Variants in PSG5 observed in about 807,000 individuals in gnomAD.
PSG5 encodes the protein pregnancy specific beta-1-glycoprotein 5.
A neutral mutation model predicts 37.7 loss-of-function variants in PSG5; 53 were observed. That is an observed-to-expected ratio of 1.41 (90% CI 1.13 to 1.77). The LOEUF (loss-of-function observed/expected upper bound fraction) is 1.77. PSG5 is among the 40% of genes most tolerant of loss of function. The probability of loss-of-function intolerance (pLI) is 0.00; values close to 1 mark genes in which losing one functional copy is unlikely to be tolerated. For missense variants in PSG5, 547 were observed against 405.2 expected, an observed-to-expected ratio of 1.35 and a Z score of -3.00; for synonymous variants, 221 against 155.4, an observed-to-expected ratio of 1.42 and a Z score of -3.14.
intron 5 of PSG5, among the ~76,000 whole-genome samples, chr19:43,169,603 A>G (rs569652761): frequency 6.6e-6 from 1 of 151,762 alleles, no homozygotes; most frequent in Admixed American, 6.6e-5. Context: ...AATAGGCTAG[A>G]GTAGACCCCT....
intron 5 of PSG5, among the ~76,000 whole-genome samples, chr19:43,169,599 C>G (rs1968860447): frequency 6.6e-6 from 1 of 151,500 alleles, no homozygotes; most frequent in East Asian, 1.9e-4. Flanking sequence ...ATCAAATAGG[C>G]TAGAGTAGAC....
intron 1 of PSG5, among the ~76,000 whole-genome samples, chr19:43,186,135 C>T (rs1311643178): frequency 1.3e-5 from 2 of 151,196 alleles, no homozygotes; most frequent in South Asian, 2.1e-4. Flanking sequence ...CACCACCATA[C>T]CTGGTTAATT....
intron 2 of PSG5, among the ~76,000 whole-genome samples, chr19:43,178,489 G>C (rs1969057874): frequency 6.6e-6 from 1 of 151,650 alleles, no homozygotes. Flanking sequence ...CTGGAGCAAA[G>C]AGAATAAAGT....
At chr19:43,182,516 A>G (rs1208376671) in intron 2 of PSG5, among the ~76,000 whole-genome samples, 1 of 151,000 alleles carries the variant, frequency 6.6e-6, no homozygotes, top group Non-Finnish European at 1.5e-5. Flanking sequence ...CCCTCTGCCC[A>G]CATGATTCCA....
intron 2 of PSG5, chr19:43,180,530 A>C (rs1253071589): frequency 6.6e-6 from 1 of 151,562 alleles, no homozygotes; most frequent in Non-Finnish European, 1.5e-5. Context: ...CCGATGCTCA[A>C]TTCGTAATAC....
In PSG5 at chr19:43,170,099, A is replaced by G. The variant is rs3207394; in HGVS notation, c.1004T>C (p.Ile335Thr). The G allele has an allele frequency of 6.9e-6, 11 of 1,584,558 alleles. 1 individual carries two copies. The highest frequency in any genetic ancestry group is 8.6e-6 in the Non-Finnish European group (10 of 1,158,068). The change falls in exon 5 of 6, where the codon ATA (isoleucine) becomes ACA (threonine). Residue 335 changes from isoleucine (I) to threonine (T), a missense_variant. Ile to Thr is a moderately conservative substitution (Grantham distance 89). Coordinates refer to ENST00000342951, the MANE Select transcript of PSG5 (RefSeq NM_002781.4). The part of the protein sequence containing the change: ...GIGRLPLLNP[I>T] ...ACAGAAATGACTTCACGGCTGCTAT[A>G]TTGGATTAAGGAGAGGAAGACGTCC...
In PSG5 at chr19:43,184,154, T is replaced by G. The variant is rs1049223176; in HGVS notation, c.430+628A>C. Among the ~76,000 whole-genome samples, 11 of 151,830 alleles carry G rather than the reference T, an allele frequency of 7.2e-5. 1 individual carries two copies. Among genetic ancestry groups the G allele is most frequent in the African/African-American group, 2.2e-4 (9 of 41,312 alleles). On this transcript the variant is annotated intron_variant, in intron 2 of 5. Transcript: ENST00000342951. ...AGCCTCCTAAAGCAGTTGGCTGATG[T>G]CCTACAAAGCTTGTCTTTCTGTCCT...
At chr19:43,172,467 T>G (rs1309998030) in intron 4 of PSG5, among the ~76,000 whole-genome samples, 1 of 151,668 alleles carries the variant, frequency 6.6e-6, no homozygotes, top group Non-Finnish European at 1.5e-5. Flanking sequence ...TACAGATAAC[T>G]TGAACTTATA....
chr19:43,176,189 T>G, intron 2 of PSG5, 41 bp from the exon 3 acceptor site: 4 of 1,602,620 alleles, frequency 2.5e-6, no homozygotes, highest in Non-Finnish European at 3.4e-6. Context: ...GTGTGGCACC[T>G]TTGATTCCTC....
Position 43,175,168 on chromosome 19 carries a change from A to T in PSG5, c.964+47T>A, listed in dbSNP as rs201294785. ...CCTAACTCTTCTCTGAAAGCCAGGTAGACTCCACCTAAAACCCTATTGCCA... is the reference window on the plus strand; with the variant it reads ...CCTAACTCTTCTCTGAAAGCCAGGTTGACTCCACCTAAAACCCTATTGCCA... On this transcript the variant is annotated intron_variant, in intron 4 of 5. Transcript: ENST00000342951. 4.0e-5 allele frequency: 65 copies of T among 1,611,846 alleles called. No homozygotes were observed. In the African/African-American group the frequency reaches 8.6e-4, roughly 21 times the overall value.
intron 2 of PSG5, among the ~76,000 whole-genome samples, chr19:43,181,709 TC>T (rs1370077825): frequency 1.3e-5 from 2 of 151,776 alleles, no homozygotes; most frequent in Non-Finnish European, 2.9e-5. Flanking sequence ...CGCCTCGGCC[TC>T]CCAAAGTCCT....
intron 4 of PSG5, among the ~76,000 whole-genome samples, chr19:43,172,896 G>T (rs8104702): frequency 6.6e-6 from 1 of 151,650 alleles, no homozygotes; most frequent in Non-Finnish European, 1.5e-5. Flanking sequence ...AATTTATATT[G>T]CATCTCATGA....
In PSG5 at chr19:43,176,039, C is replaced by T. The variant is rs773975598; in HGVS notation, c.540G>A (p.Trp180Ter). 2 of 1,610,974 alleles carry T rather than the reference C, an allele frequency of 1.2e-6. No individual in the cohort carries two copies. Among genetic ancestry groups the T allele is most frequent in the Non-Finnish European group, 1.7e-6 (2 of 1,179,214 alleles). Residue 180 changes from tryptophan to a stop codon, truncating the protein, a stop_gained, in exon 3 of 6, where the codon TGG (tryptophan) becomes TGA (stop). Transcript: ENST00000342951. LOFTEE classifies it high-confidence loss of function. ...EPKSENYTYIWWLNGQSLPVS... is the reference protein window; with the variant it reads ...EPKSENYTYI Reference sequence around the variant, plus strand: ...CCGGGAGGCTCTGACCATTTAGCCACCAAATGTAGGTGTAGTTCTCACTCT... The same window carrying T: ...CCGGGAGGCTCTGACCATTTAGCCATCAAATGTAGGTGTAGTTCTCACTCT...
At position 43,175,322 on chromosome 19, in the gene PSG5, A is replaced by G; in HGVS notation, c.857T>C (p.Leu286Pro). 1.2e-6 allele frequency: 2 copies of G among 1,612,778 alleles called. No homozygotes were observed. The highest frequency in any genetic ancestry group is 1.7e-6 in the Non-Finnish European group (2 of 1,179,240). ...CTTTGTAGTAATTTGGGGGATAGAG[A>G]GCTTTTGTCCTGATTGCTGAAACTT... ...NGKFQQSGQK[L>P]SIPQITTKHR... Residue 286 changes from leucine to proline, a missense_variant, in exon 4 of 6, where the codon CTC becomes CCC. Physicochemically the swap from Leu to Pro is moderately conservative, Grantham distance 98. Transcript: ENST00000342951.
At chr19:43,181,056 A>C (rs140266177) in intron 2 of PSG5, among the ~76,000 whole-genome samples, 5 of 151,766 alleles carry the variant, frequency 3.3e-5, no homozygotes, top group African/African-American at 1.2e-4. Flanking sequence ...GGAAGAATCT[A>C]AGTGAGATGC....
Position 43,175,330 on chromosome 19 carries a change from T to C in PSG5, c.849A>G (p.Gly283=). ...TAATTTGGGGGATAGAGAGCTTTTG[T>C]CCTGATTGCTGAAACTTCCCATTAA... ...WTINGKFQQS[G]QKLSIPQITT... The change falls in exon 4 of 6, where the codon GGA becomes GGG. Residue 283 remains glycine, a synonymous_variant. Transcript: ENST00000342951. 1 of 1,612,814 alleles carries C rather than the reference T, an allele frequency of 6.2e-7. No homozygotes were observed. Among genetic ancestry groups the C allele is most frequent in the Non-Finnish European group, 8.5e-7 (1 of 1,179,222 alleles).
chr19:43,182,506 C>A (rs1969149574), intron 2 of PSG5, among the ~76,000 whole-genome samples: 1 of 151,250 alleles, frequency 6.6e-6, no homozygotes, highest in African/African-American at 2.4e-5. Flanking sequence ...CAGATCATTT[C>A]CCTCTGCCCA....
Position 43,184,883 on chromosome 19 carries a change from T to G in PSG5, c.329A>C (p.Gln110Pro). ...TCCTGCGTCTTCCCGGGTGACATTC[T>G]GGATCAGCAGGGATGCATTGGAATA... ...TVYSNASLLI[Q>P]NVTREDAGSY... Residue 110 changes from glutamine (Q) to proline (P), a missense_variant, in exon 2 of 6, where the codon CAG (glutamine) becomes CCG (proline). Physicochemically the swap from Gln to Pro is moderately conservative, Grantham distance 76 (BLOSUM62 -1). Transcript: ENST00000342951. 1 of 1,612,678 alleles carries G rather than the reference T, an allele frequency of 6.2e-7. No homozygotes were observed.
chr19:43,167,994 T>C lies in PSG5; in HGVS notation c.*250A>G, dbSNP rs1701370839. On this transcript the variant is annotated 3_prime_UTR_variant, in exon 6 of 6. Transcript: ENST00000342951. ...ATTATTTAGTCCAATAACATGGAGT[T>C]TTTTTCTTCTTTGTCTAGAATTTCA... 1 of 410,000 alleles carries C rather than the reference T, an allele frequency of 2.4e-6. No homozygotes were observed. The highest frequency in any genetic ancestry group is 4.5e-6 in the Non-Finnish European group (1 of 222,912). 25.4% of individuals were successfully genotyped at this position (410,000 alleles called of 1,614,324 possible). A position where few individuals can be genotyped will look rare whatever the true frequency, so the allele number is the denominator to read the frequency against.
Sources: gnomAD v4.1 joint callset for allele counts (sites outside exome capture counted in the v4.1 genomes callset) on GRCh38, gnomAD v4.1.1 for gene constraint, MANE v1.5 for transcripts, NCBI Gene and HGNC (gene_info 2026-07-23, HGNC 2026-07-21) for gene names.